The following CHST11 variants were observed in gnomAD, a reference collection of about 807,000 sequenced individuals.
CHST11 encodes the protein C4S-1.
A neutral mutation model predicts 30.4 loss-of-function variants in CHST11; 9 were observed. The ratio of observed to expected loss-of-function variants is 0.30; its 90% CI spans 0.18 to 0.52. The LOEUF is 0.52. Ranked by LOEUF, CHST11 falls within the 20% of genes least tolerant of loss-of-function variation. The pLI, the probability that CHST11 is intolerant of heterozygous loss-of-function variation, is 0.97. For missense variants in CHST11, 348 were observed against 460.6 expected (o/e 0.76, Z 2.24); for synonymous variants, 152 against 187.8 (o/e 0.81, Z 1.56).
intron 2 of CHST11, among the ~76,000 whole-genome samples, chr12:104,630,670 A>G (rs2039261663): frequency 6.6e-6 from 1 of 152,264 alleles, no homozygotes; most frequent in Admixed American, 6.5e-5. Flanking sequence ...AAGTTACTAA[A>G]GCAAATTGGA....
rs703677 is a variant in CHST11 at position 104,676,699 on chromosome 12, G to A, written c.204+74708G>A. The stretch of plus-strand genomic sequence containing the variant: ...ATTACAGGCATGAGCCACTGCACCC[G>A]GCCTCCCTGCCTCCTTTCCTAAGGA... On this transcript the variant is annotated intron_variant, in intron 2 of 2. Coordinates refer to ENST00000303694, the MANE Select transcript of CHST11 (RefSeq NM_018413.6). This position sits in a 1 kb window ranked among gnomAD's most constrained non-coding sequence, Gnocchi z 4.4. Among the ~76,000 whole-genome samples, 26,820 of 152,160 alleles carry A rather than the reference G, an allele frequency of 0.18. 3,084 individuals carry two copies. Among genetic ancestry groups the A allele is most frequent in the African/African-American group, 0.33 (13,731 of 41,476 alleles).
chr12:104,462,076 A>G (rs1167389040), intron 1 of CHST11, among the ~76,000 whole-genome samples: 3 of 151,478 alleles, frequency 2.0e-5, no homozygotes, highest in Non-Finnish European at 2.9e-5. Context: ...CTGAGGCAGC[A>G]GAATCACTTG....
intron 1 of CHST11, among the ~76,000 whole-genome samples, chr12:104,517,541 G>A (rs1420276327): frequency 6.6e-6 from 1 of 152,202 alleles, no homozygotes; most frequent in Non-Finnish European, 1.5e-5. Flanking sequence ...GTTGCAGGTT[G>A]TGATTCCATA....
intron 2 of CHST11, among the ~76,000 whole-genome samples, chr12:104,632,859 T>A (rs2039284191): frequency 6.6e-6 from 1 of 152,222 alleles, no homozygotes; most frequent in African/African-American, 2.4e-5. Flanking sequence ...AAGCTATCGC[T>A]GACGTTAAGG....
intron 2 of CHST11, among the ~76,000 whole-genome samples, chr12:104,636,820 A>G (rs2039326831): frequency 6.6e-6 from 1 of 152,188 alleles, no homozygotes; most frequent in African/African-American, 2.4e-5. Flanking sequence ...TCACAAAAAA[A>G]TCTAGCTCTT....
intron 2 of CHST11, among the ~76,000 whole-genome samples, chr12:104,695,989 G>A (rs1031375946): frequency 6.6e-6 from 1 of 152,116 alleles, no homozygotes; most frequent in East Asian, 1.9e-4. Flanking sequence ...GCAGGGCTGC[G>A]GAGCTGAGAA....
chr12:104,630,859 G>C (rs1288350660), intron 2 of CHST11, among the ~76,000 whole-genome samples: 1 of 152,212 alleles, frequency 6.6e-6, no homozygotes, highest in Non-Finnish European at 1.5e-5. Flanking sequence ...CTGGCAACTT[G>C]TGTCAGCAGC....
At chr12:104,632,493 C>G (rs938302283) in intron 2 of CHST11, among the ~76,000 whole-genome samples, 1 of 152,278 alleles carries the variant, frequency 6.6e-6, no homozygotes, top group South Asian at 2.1e-4. Flanking sequence ...GAAGTTCCCA[C>G]TAGGTGTTAG....
At chr12:104,460,200 C>G (rs986429841) in intron 1 of CHST11, among the ~76,000 whole-genome samples, 1 of 152,154 alleles carries the variant, frequency 6.6e-6, no homozygotes, top group Non-Finnish European at 1.5e-5. Context: ...CCAGATCACC[C>G]TGGGAGAGGC....
In CHST11 at chr12:104,699,566, G is replaced by A. The variant is rs569506191; in HGVS notation, c.205-57383G>A. ...CAATTGTAGGGTCACTGAGGACATG[G>A]TGCTTCCCTCCTGGTGGCTTTCGGA... On this transcript the variant is annotated intron_variant, in intron 2 of 2. Coordinates refer to ENST00000303694, the MANE Select transcript of CHST11 (RefSeq NM_018413.6). 6.0e-4 allele frequency among the ~76,000 whole-genome samples: 91 copies of A among 152,272 alleles called. 1 individual carries two copies. Among genetic ancestry groups the A allele is most frequent in the Non-Finnish European group, 4.0e-4 (27 of 68,010 alleles).
chr12:104,618,209 TTCTTC>T (rs1350232030), intron 2 of CHST11, among the ~76,000 whole-genome samples: 4 of 147,934 alleles, frequency 2.7e-5, no homozygotes, highest in African/African-American at 1.0e-4. Context: ...GCCTGGCTTC[TTCTTC>T]TTTTCTTTTC....
rs558897201 is a variant in CHST11 at position 104,550,634 on chromosome 12, G to T, written c.119-51272G>T. On this transcript the variant is annotated intron_variant, in intron 1 of 2. Coordinates refer to ENST00000303694, the MANE Select transcript of CHST11 (RefSeq NM_018413.6). The stretch of plus-strand genomic sequence containing the variant: ...TTTGTTTGCCAACCATGATTCTAAG[G>T]GGTCTTGGATGGAATGGAAACCTCT... 2.0e-5 allele frequency among the ~76,000 whole-genome samples: 3 copies of T among 152,314 alleles called. No homozygotes were observed. In the East Asian group the frequency reaches 5.8e-4, roughly 29 times the overall value.
chr12:104,605,152 CAAAAAA>C (rs3039180), intron 2 of CHST11, among the ~76,000 whole-genome samples: 76 of 93,508 alleles, frequency 8.1e-4, no homozygotes, highest in Admixed American at 3.2e-3. Context: ...ATCCCCTCTC[CAAAAAA>C]AAAAAAAAAA....
intron 2 of CHST11, among the ~76,000 whole-genome samples, chr12:104,674,552 A>G (rs1398993049): frequency 6.6e-6 from 1 of 152,246 alleles, no homozygotes; most frequent in Non-Finnish European, 1.5e-5. Flanking sequence ...TCTTGAGTCC[A>G]GCAGCTCTGC....
At chr12:104,463,040 C>T (rs2037424632) in intron 1 of CHST11, among the ~76,000 whole-genome samples, 1 of 152,196 alleles carries the variant, frequency 6.6e-6, no homozygotes, top group South Asian at 2.1e-4. Flanking sequence ...GAGGTATCTG[C>T]TGTCAGTATT....
chr12:104,518,248 C>T (rs879698929), intron 1 of CHST11, among the ~76,000 whole-genome samples: 4 of 152,134 alleles, frequency 2.6e-5, no homozygotes, highest in East Asian at 3.8e-4. Context: ...GATTGTGCCA[C>T]TGCACTTCAG....
chr12:104,667,613 G>A (rs555365296), intron 2 of CHST11, among the ~76,000 whole-genome samples: 1 of 152,236 alleles, frequency 6.6e-6, no homozygotes, highest in African/African-American at 2.4e-5. Flanking sequence ...TTGGAGCTAG[G>A]ACTTCCGCAT....
intron 1 of CHST11, among the ~76,000 whole-genome samples, chr12:104,559,100 G>T (rs1385551894): frequency 6.6e-6 from 1 of 151,566 alleles, no homozygotes; most frequent in Non-Finnish European, 1.5e-5. Flanking sequence ...CAATCAGTGG[G>T]GTGGGAACAG....
intron 1 of CHST11, among the ~76,000 whole-genome samples, chr12:104,460,445 C>T (rs1049205303): frequency 6.6e-6 from 1 of 152,114 alleles, no homozygotes; most frequent in African/African-American, 2.4e-5. Context: ...GGGTGCATCA[C>T]TTGAGCTCAG....
Sources: gnomAD v4.1 joint callset for allele counts (sites outside exome capture counted in the v4.1 genomes callset) on GRCh38, gnomAD v4.1.1 for gene constraint, Gnocchi (gnomAD v3.1) non-coding constraint, MANE v1.5 for transcripts, NCBI Gene and HGNC (gene_info 2026-07-23, HGNC 2026-07-21) for gene names.